Variants in DLG5 observed in about 807,000 individuals in gnomAD.
DLG5 encodes the protein disks large homolog 5.
Under a neutral mutation model 189.8 loss-of-function variants are expected in DLG5, and 48 were observed. That is an observed-to-expected ratio of 0.25 (90% CI 0.20 to 0.32). The LOEUF is 0.32. Ranked by LOEUF, DLG5 falls within the 10% of genes least tolerant of loss-of-function variation. The pLI is 1.00. For missense variants in DLG5, 2,160 were observed against 2,544.7 expected, an observed-to-expected ratio of 0.85 and a Z score of 3.25; for synonymous variants, 1,016 against 1,054.1, an observed-to-expected ratio of 0.96 and a Z score of 0.70.
intron 5 of DLG5, among the ~76,000 whole-genome samples, chr10:77,852,239 C>T (rs2154576635): frequency 6.6e-6 from 1 of 152,082 alleles, no homozygotes; most frequent in Non-Finnish European, 1.5e-5. Context: ...GGTATGGTGG[C>T]ATGTGCCTGT....
At chr10:77,913,074 T>A (rs780479958) in intron 1 of DLG5, among the ~76,000 whole-genome samples, 1 of 152,104 alleles carries the variant, frequency 6.6e-6, no homozygotes, top group African/African-American at 2.4e-5. Flanking sequence ...AAAGACCTCA[T>A]GGCTAAAAAA....
chr10:77,919,804 C>T (rs1846481787), intron 1 of DLG5, among the ~76,000 whole-genome samples: 1 of 152,098 alleles, frequency 6.6e-6, no homozygotes, highest in Non-Finnish European at 1.5e-5. Flanking sequence ...CACCTGCTTC[C>T]ATCACAGACA....
chr10:77,854,479 C>G, intron 3 of DLG5, 109 bp from the exon 4 acceptor site: 1 of 1,381,674 alleles, frequency 7.2e-7, no homozygotes, highest in East Asian at 2.3e-5. Flanking sequence ...TACTGGTCTT[C>G]TATGCACCAC....
At position 77,794,934 on chromosome 10, in the gene DLG5, C is replaced by T; in HGVS notation, c.5461G>A (p.Ala1821Thr). The T allele has an allele frequency of 6.2e-7, 1 of 1,613,922 alleles. No homozygotes were observed. The highest frequency in any genetic ancestry group is 1.1e-5 in the South Asian group (1 of 91,054). The change falls in exon 30 of 32, where the codon GCT becomes ACT. Residue 1821 changes from alanine to threonine, a missense_variant. By Grantham distance (58) the Ala-to-Thr change is moderately conservative. Coordinates refer to ENST00000372391, the MANE Select transcript of DLG5 (RefSeq NM_004747.4). ...TGGAGCCGCTCAATAGCGTGCGGAG[C>T]AATGTCCAGGAGGCAGTGTCGGTTC... ...EKNRHCLLDI[A>T]PHAIERLHHM...
At chr10:77,871,079 G>T (rs777835033) in intron 1 of DLG5, among the ~76,000 whole-genome samples, 5 of 152,252 alleles carry the variant, frequency 3.3e-5, no homozygotes, top group Admixed American at 1.3e-4. Context: ...CAGAGACTCT[G>T]AAGAATCTGA....
intron 1 of DLG5, among the ~76,000 whole-genome samples, chr10:77,901,126 A>G (rs963757447): frequency 1.3e-5 from 2 of 152,042 alleles, no homozygotes; most frequent in Admixed American, 1.3e-4. Context: ...AAAAAAAAAA[A>G]AAAAAGAAAA....
In DLG5 at chr10:77,845,960, C is replaced by T. The variant is rs991006173; in HGVS notation, c.865-2254G>A. 2.9e-5 allele frequency among the ~76,000 whole-genome samples: 4 copies of T among 137,020 alleles called. No individual in the cohort carries two copies. In the East Asian group the frequency reaches 6.2e-4, roughly 21 times the overall value. The allele number at this position is 137,020 out of a possible 152,430, so 89.9% of individuals were successfully genotyped here. On this transcript the variant is annotated intron_variant, in intron 5 of 31. Transcript: ENST00000372391. ...AAAAAAAAAAAAAAAAAAAAAAAGC[C>T]CTGGCCAGGCACAGTGGCACATGCC...
intron 22 of DLG5, among the ~76,000 whole-genome samples, 186 bp downstream of exon 22, chr10:77,811,738 A>G (rs190948917): frequency 3.9e-4 from 60 of 152,278 alleles, no homozygotes; most frequent in African/African-American, 1.2e-3. Context: ...ACCCCATTTC[A>G]GGAGGAGACA....
chr10:77,820,984 G>A, intron 15 of DLG5, 98 bp downstream of exon 15: 3 of 1,454,902 alleles, frequency 2.1e-6, no homozygotes, highest in Non-Finnish European at 2.7e-6. Flanking sequence ...GGCTAAACAG[G>A]GGCCTGGGAC....
rs200246203 is a variant in DLG5, at chr10:77,796,636, G to A, written c.5165-42C>T. 2.5e-5 allele frequency: 40 copies of A among 1,610,566 alleles called. No individual in the cohort carries two copies. The highest frequency in any genetic ancestry group is 3.3e-4 in the Middle Eastern group (2 of 6,016). On this transcript the variant is annotated intron_variant, in intron 27 of 31. Coordinates refer to ENST00000372391, the MANE Select transcript of DLG5 (RefSeq NM_004747.4). The surrounding 1 kb of genome is among the most constrained non-coding windows in gnomAD (Gnocchi z 5.2). ...AGCAGCGTCACGGACCCAGCTTGGAGTGGAGGACCTGAGTGGGGCTGGGGA... is the reference window on the plus strand; with the variant it reads ...AGCAGCGTCACGGACCCAGCTTGGAATGGAGGACCTGAGTGGGGCTGGGGA...
At chr10:77,803,040 C>A (rs535596285) in intron 27 of DLG5, among the ~76,000 whole-genome samples, 1 of 152,150 alleles carries the variant, frequency 6.6e-6, no homozygotes, top group African/African-American at 2.4e-5. Flanking sequence ...GTCAAAGGTG[C>A]ACACTGTGAG....
intron 13 of DLG5, among the ~76,000 whole-genome samples, chr10:77,826,537 G>A (rs1371579312): frequency 6.6e-6 from 1 of 152,198 alleles, no homozygotes; most frequent in Non-Finnish European, 1.5e-5. Context: ...GCTGAGGCAG[G>A]AGAATCACTT....
intron 1 of DLG5, among the ~76,000 whole-genome samples, chr10:77,918,076 T>G (rs1044592195): frequency 6.6e-6 from 1 of 150,938 alleles, no homozygotes; most frequent in African/African-American, 2.4e-5. Context: ...ACTTAAAAAG[T>G]TATTAAAATA....
intron 1 of DLG5, among the ~76,000 whole-genome samples, chr10:77,877,806 C>T (rs997627206): frequency 1.3e-5 from 2 of 152,096 alleles, no homozygotes; most frequent in Non-Finnish European, 2.9e-5. Context: ...GGGGGGACAA[C>T]GAACATAGCC....
chr10:77,919,499 G>T lies in DLG5; in HGVS notation c.304+6718C>A, dbSNP rs146638382. On this transcript the variant is annotated intron_variant, in intron 1 of 31. Transcript: ENST00000372391. ...TTCTGTTTTGACTGTTGAACTGGGG[G>T]AAAAAAAAAAAACAAGCACCAGGAA... Among the ~76,000 whole-genome samples the T allele has an allele frequency of 3.0e-3, 359 of 119,638 alleles. 3 individuals carry two copies. Among genetic ancestry groups the T allele is most frequent in the African/African-American group, 0.01 (336 of 32,522 alleles). The allele number at this position is 119,638 out of a possible 152,430, so 78.5% of individuals were successfully genotyped here.
chr10:77,935,781 GTC>G, the DLG5 span, among the ~76,000 whole-genome samples: 1 of 152,190 alleles, frequency 6.6e-6, no homozygotes, highest in Non-Finnish European at 1.5e-5. Flanking sequence ...ACACGTGTGA[GTC>G]TGAACACGTG....
intron 1 of DLG5, among the ~76,000 whole-genome samples, chr10:77,877,884 C>G (rs1337623441): frequency 2.0e-5 from 3 of 152,200 alleles, no homozygotes; most frequent in African/African-American, 7.2e-5. Context: ...GCCACCCTGA[C>G]AGCACATGTC....
At chr10:77,793,820 A>G in intron 31 of DLG5, 188 bp downstream of exon 31, 1 of 607,922 alleles carries the variant, frequency 1.6e-6, no homozygotes, top group Non-Finnish European at 2.9e-6. Flanking sequence ...TTAACATTCA[A>G]CCTGTAAGAA....
chr10:77,816,395 C>T (rs552756779), intron 20 of DLG5, among the ~76,000 whole-genome samples, 156 bp downstream of exon 20: 2 of 152,368 alleles, frequency 1.3e-5, no homozygotes, highest in Non-Finnish European at 2.9e-5. Context: ...GCATCCAGTG[C>T]CCCATGGCAC....
Sources: allele counts gnomAD v4.1 joint callset (sites outside exome capture counted in the v4.1 genomes callset), GRCh38; gene constraint gnomAD v4.1.1; non-coding constraint Gnocchi (gnomAD v3.1); transcripts MANE v1.5; gene names NCBI Gene and HGNC (gene_info 2026-07-23, HGNC 2026-07-21).